Variants in ZNRF3 observed in about 807,000 individuals in gnomAD.
ZNRF3 encodes the protein E3 ubiquitin-protein ligase ZNRF3.
Under a neutral mutation model 72.5 loss-of-function variants are expected in ZNRF3, and 23 were observed. The ratio of observed to expected loss-of-function variants is 0.32; its 90% CI spans 0.23 to 0.45. ZNRF3 has a LOEUF of 0.45. Among genes scored for constraint, ZNRF3 ranks in the 20% least tolerant of loss-of-function variants. The pLI, the probability that ZNRF3 is intolerant of heterozygous loss-of-function variation, is 1.00. For missense variants in ZNRF3, 1,169 were observed against 1,272.1 expected (o/e 0.92, Z 1.23); for synonymous variants, 610 against 545.3 (o/e 1.12, Z -1.65).
intron 1 of ZNRF3, among the ~76,000 whole-genome samples, chr22:28,889,688 C>T (rs905893146): frequency 6.6e-6 from 1 of 152,218 alleles, no homozygotes. Context: ...TAACTTCCCT[C>T]CTGTGCACTG....
intron 2 of ZNRF3, among the ~76,000 whole-genome samples, chr22:29,039,929 A>C (rs1457216578): frequency 6.6e-6 from 1 of 152,122 alleles, no homozygotes; most frequent in Non-Finnish European, 1.5e-5. Flanking sequence ...ACTCCAGCCC[A>C]GGTGACAGAG....
chr22:28,884,334 GC>G (rs1016645458), intron 1 of ZNRF3, among the ~76,000 whole-genome samples: 1 of 152,206 alleles, frequency 6.6e-6, no homozygotes, highest in Non-Finnish European at 1.5e-5. Context: ...CCATGCTGGG[GC>G]AGCCCCCTTG....
chr22:29,040,944 G>A (rs1402421146), intron 2 of ZNRF3, among the ~76,000 whole-genome samples: 2 of 152,184 alleles, frequency 1.3e-5, no homozygotes, highest in Non-Finnish European at 2.9e-5. Context: ...AATGTAGAGC[G>A]ATTATTCCTA....
chr22:29,032,226 G>C (rs146092086), intron 2 of ZNRF3, among the ~76,000 whole-genome samples: 50 of 152,328 alleles, frequency 3.3e-4, no homozygotes, highest in African/African-American at 1.2e-3. Context: ...GCCTGTTCTT[G>C]TGGACATGGC....
chr22:29,019,166 T>C (rs1210640750), intron 2 of ZNRF3, among the ~76,000 whole-genome samples: 1 of 152,044 alleles, frequency 6.6e-6, no homozygotes, highest in Non-Finnish European at 1.5e-5. Context: ...CCCTCAAGCA[T>C]TTTCCAAGCT....
chr22:28,951,012 C>A (rs919438673), intron 1 of ZNRF3, among the ~76,000 whole-genome samples: 3 of 152,208 alleles, frequency 2.0e-5, no homozygotes, highest in African/African-American at 7.2e-5. Flanking sequence ...TGTGATGGCA[C>A]CTTGCCTGTG....
At chr22:29,036,521 C>G (rs187202851) in intron 2 of ZNRF3, among the ~76,000 whole-genome samples, 9 of 152,162 alleles carry the variant, frequency 5.9e-5, no homozygotes, top group Non-Finnish European at 1.3e-4. Flanking sequence ...ATCAACAGAC[C>G]GCCTAACCCA....
At chr22:28,884,723 T>C (rs957515200) in intron 1 of ZNRF3, among the ~76,000 whole-genome samples, 1 of 152,192 alleles carries the variant, frequency 6.6e-6, no homozygotes. Context: ...GGATACCGCC[T>C]GCCCGTCCCT....
chr22:29,038,766 C>T (rs2036907850), intron 2 of ZNRF3, among the ~76,000 whole-genome samples: 1 of 152,104 alleles, frequency 6.6e-6, no homozygotes, highest in African/African-American at 2.4e-5. Flanking sequence ...CTTGGCTCCC[C>T]TCCTGTCCAG....
intron 1 of ZNRF3, among the ~76,000 whole-genome samples, chr22:28,937,238 T>TTTTTA (rs2034855176): frequency 7.8e-6 from 1 of 128,216 alleles, no homozygotes; most frequent in African/African-American, 3.2e-5. Flanking sequence ...TTTTTTTTTT[T>TTTTTA]AACAAAAGGA....
Position 28,906,811 on chromosome 22 carries a change from T to TA in ZNRF3, c.300+22746dup, listed in dbSNP as rs575621931. On this transcript the variant is annotated intron_variant, in intron 1 of 8. Transcript: ENST00000544604. ...TTTTTATTTTCTTTCATTCAGCAGA[T>TA]ATGTATTGAGTGCTTACCCTGCGCT... is the stretch of plus-strand genomic sequence containing the variant. 8.8e-4 allele frequency among the ~76,000 whole-genome samples: 134 copies of TA among 152,260 alleles called. 2 individuals are homozygous for TA. In the South Asian group the frequency reaches 0.023, roughly 27 times the overall value.
At chr22:29,051,820 G>A (rs1400247125) in intron 8 of ZNRF3, among the ~76,000 whole-genome samples, 1 of 148,910 alleles carries the variant, frequency 6.7e-6, no homozygotes, top group African/African-American at 2.5e-5. Context: ...CAGGAGAATC[G>A]CCTGAACCTG....
At chr22:28,986,608 A>G (rs1251392631) in intron 1 of ZNRF3, 2 of 985,266 alleles carry the variant, frequency 2.0e-6, no homozygotes, top group South Asian at 4.7e-5. Flanking sequence ...GTCTCTGCAT[A>G]GAGTCCGGGA....
At chr22:29,007,477 ATT>A (rs879365258) in intron 2 of ZNRF3, among the ~76,000 whole-genome samples, 3 of 146,764 alleles carry the variant, frequency 2.0e-5, no homozygotes, top group Non-Finnish European at 1.5e-5. Context: ...ATCTCTACAA[ATT>A]TTTTTTTTTT....
intron 1 of ZNRF3, among the ~76,000 whole-genome samples, chr22:28,896,653 A>G (rs557445172): frequency 4.5e-4 from 68 of 152,374 alleles, no homozygotes; most frequent in African/African-American, 1.5e-3. Flanking sequence ...GATTTCTGGA[A>G]TATCGCTGGG....
chr22:29,049,270 C>T lies in ZNRF3; in HGVS notation c.1089C>T (p.Thr363=), dbSNP rs141590524. 1,592 of 1,613,912 alleles carry T rather than the reference C, an allele frequency of 9.9e-4. 16 individuals are homozygous for T. The African/African-American group carries it at 0.019, about 20-fold the overall frequency. ...CACGTGGTCGGCAGCAGAGGGTGAC[C>T]CTGCCGGTGCATTACCCCGGCCGCG... ...NLSRGRQQRV[T]LPVHYPGRVH... Residue 363 remains threonine, a synonymous_variant, in exon 8 of 9, where the codon ACC becomes ACT. Coordinates refer to ENST00000544604, the MANE Select transcript of ZNRF3 (RefSeq NM_001206998.2). This position sits in a 1 kb window ranked among gnomAD's most constrained non-coding sequence, Gnocchi z 5.2.
At chr22:29,028,900 C>A (rs1321096991) in intron 2 of ZNRF3, among the ~76,000 whole-genome samples, 1 of 152,200 alleles carries the variant, frequency 6.6e-6, no homozygotes, top group East Asian at 1.9e-4. Flanking sequence ...GGTGAGGAGT[C>A]CAAGGGGAAG....
At chr22:28,901,931 A>C (rs1162854073) in intron 1 of ZNRF3, among the ~76,000 whole-genome samples, 1 of 142,202 alleles carries the variant, frequency 7.0e-6, no homozygotes, top group Admixed American at 7.1e-5. Flanking sequence ...TTTTAAGTTA[A>C]CTTTTTTTTT....
At chr22:29,037,111 A>G (rs1470094013) in intron 2 of ZNRF3, among the ~76,000 whole-genome samples, 1 of 152,174 alleles carries the variant, frequency 6.6e-6, no homozygotes, top group Non-Finnish European at 1.5e-5. Context: ...TTTTCCCGCA[A>G]TAAAGGGTAG....
Sources: gnomAD v4.1 joint callset for allele counts (sites outside exome capture counted in the v4.1 genomes callset) on GRCh38, gnomAD v4.1.1 for gene constraint, Gnocchi (gnomAD v3.1) non-coding constraint, MANE v1.5 for transcripts, NCBI Gene and HGNC (gene_info 2026-07-23, HGNC 2026-07-21) for gene names.